The following NPL variants were observed in gnomAD, a reference collection of about 807,000 sequenced individuals.
NPL encodes the protein N-acetylneuraminate pyruvate lyase.
A neutral mutation model predicts 41.1 loss-of-function variants in NPL; 32 were observed. The observed-to-expected ratio is 0.78, with a 90% CI of 0.59 to 1.05. The LOEUF is 1.05. NPL is among the 50% of genes least tolerant of loss of function. The pLI, the probability that NPL is intolerant of heterozygous loss-of-function variation, is 0.00. For missense variants in NPL, 321 were observed against 378.4 expected, an observed-to-expected ratio of 0.85 and a Z score of 1.26; for synonymous variants, 128 against 134.9, an observed-to-expected ratio of 0.95 and a Z score of 0.35.
chr1:182,821,028 C>T (rs1391700066), intron 10 of NPL, among the ~76,000 whole-genome samples: 1 of 152,220 alleles, frequency 6.6e-6, no homozygotes, highest in African/African-American at 2.4e-5. Context: ...AATCACCTTT[C>T]TGTCTAACCA....
At chr1:182,816,158 CTT>C (rs902140085) in intron 7 of NPL, among the ~76,000 whole-genome samples, 1 of 152,090 alleles carries the variant, frequency 6.6e-6, no homozygotes, top group Non-Finnish European at 1.5e-5. Flanking sequence ...GGAAACCCCA[CTT>C]ACTCAGCAAA....
At chr1:182,812,716 T>G (rs1408345794) in intron 6 of NPL, among the ~76,000 whole-genome samples, 2 of 152,108 alleles carry the variant, frequency 1.3e-5, no homozygotes, top group Non-Finnish European at 2.9e-5. Context: ...TGTGGAATTT[T>G]TTTTTTCTGG....
chr1:182,806,383 G>T, intron 5 of NPL, 151 bp downstream of exon 5: 1 of 1,545,594 alleles, frequency 6.5e-7, no homozygotes, highest in South Asian at 1.2e-5. Flanking sequence ...CGGGATCCTG[G>T]CTTCTTGGAG....
At chr1:182,793,340 G>A (rs1209524485) in intron 2 of NPL, among the ~76,000 whole-genome samples, 1 of 152,172 alleles carries the variant, frequency 6.6e-6, no homozygotes, top group Non-Finnish European at 1.5e-5. Context: ...ATTATGGGCA[G>A]GTACACTCTC....
At chr1:182,804,886 T>C (rs999714792) in intron 4 of NPL, among the ~76,000 whole-genome samples, 5 of 152,132 alleles carry the variant, frequency 3.3e-5, no homozygotes, top group African/African-American at 1.2e-4. Flanking sequence ...AGATTCTTAC[T>C]CAACAAAGGG....
At chr1:182,811,576 T>C (rs1667177174) in intron 5 of NPL, among the ~76,000 whole-genome samples, 1 of 152,154 alleles carries the variant, frequency 6.6e-6, no homozygotes, top group African/African-American at 2.4e-5. Flanking sequence ...CTTAGAAGTG[T>C]TTTTTGTAAG....
Position 182,828,718 on chromosome 1 carries a change from G to C in NPL, c.779-6G>C, listed in dbSNP as rs111628840. On this transcript the variant is annotated splice_polypyrimidine_tract_variant and splice_region_variant and intron_variant, in intron 12 of 12. Coordinates refer to ENST00000367553, the MANE Select transcript of NPL (RefSeq NM_030769.3). This position sits in a 1 kb window ranked among gnomAD's most constrained non-coding sequence, Gnocchi z 4.0. ...TCATGTTTCCTCATTTGTTTTTCCC[G>C]TCTAGGTTTTGGAGTGTCACAGACC... 6.2e-7 allele frequency: 1 copy of C among 1,614,106 alleles called. No individual in the cohort carries two copies. The highest frequency in any genetic ancestry group is 8.5e-7 in the Non-Finnish European group (1 of 1,180,006).
intron 6 of NPL, among the ~76,000 whole-genome samples, chr1:182,812,494 T>C (rs1427134478): frequency 6.6e-6 from 1 of 152,168 alleles, no homozygotes; most frequent in Non-Finnish European, 1.5e-5. Flanking sequence ...GGAGCAGAAC[T>C]GAGCCAATTT....
rs552217052 is a variant in NPL, at chr1:182,801,648, G to A, written c.69-2050G>A. Among the ~76,000 whole-genome samples, 19 of 152,160 alleles carry A rather than the reference G, an allele frequency of 1.2e-4. No homozygotes were observed. The East Asian group carries it at 3.3e-3, about 26-fold the overall frequency. Reference sequence around the variant, plus strand: ...GAGGATCGCTTGACCCCAGGAGTTCGAGACCAGTCTGGGCAACATAGTGAG... The same window carrying A: ...GAGGATCGCTTGACCCCAGGAGTTCAAGACCAGTCTGGGCAACATAGTGAG... On this transcript the variant is annotated intron_variant, in intron 3 of 12. Transcript: ENST00000367553.
At chr1:182,825,751 A>C (rs1450957682) in intron 11 of NPL, 30 bp from the exon 12 acceptor site, 3 of 1,382,114 alleles carry the variant, frequency 2.2e-6, no homozygotes, top group Non-Finnish European at 3.1e-6. Context: ...GTTCAATAAT[A>C]CTAACTATAG....
At chr1:182,790,580 C>T (rs6678807) in intron 1 of NPL, among the ~76,000 whole-genome samples, 12,013 of 152,188 alleles carry the variant, frequency 0.079, 541 homozygotes, top group African/African-American at 0.13. Context: ...AAACTTGAAT[C>T]TTAAAAATAC....
intron 2 of NPL, among the ~76,000 whole-genome samples, chr1:182,793,280 A>G (rs1210407548): frequency 2.6e-5 from 4 of 152,166 alleles, no homozygotes; most frequent in Non-Finnish European, 5.9e-5. Flanking sequence ...GAGGCTGTTA[A>G]CCAGTCTGCT....
At chr1:182,819,003 A>G in intron 10 of NPL, 144 bp downstream of exon 10, 1 of 791,948 alleles carries the variant, frequency 1.3e-6, no homozygotes, top group Non-Finnish European at 2.2e-6. Context: ...AGGGAATTAA[A>G]TACTGCTTAG....
chr1:182,809,012 G>A (rs1667101408), intron 5 of NPL, among the ~76,000 whole-genome samples: 1 of 150,882 alleles, frequency 6.6e-6, no homozygotes, highest in Admixed American at 6.6e-5. Flanking sequence ...GGAAGGTCTT[G>A]GATAGGGGGA....
chr1:182,825,720 A>C, intron 11 of NPL, 61 bp from the exon 12 acceptor site: 1 of 1,146,184 alleles, frequency 8.7e-7, no homozygotes, highest in East Asian at 2.3e-5. Context: ...TGACTTCTAC[A>C]TTATTTACAT....
chr1:182,799,839 A>G (rs921182719), intron 3 of NPL, among the ~76,000 whole-genome samples: 1 of 152,174 alleles, frequency 6.6e-6, no homozygotes, highest in Non-Finnish European at 1.5e-5. Flanking sequence ...TTTAAATATA[A>G]AAATGACTAC....
At chr1:182,795,195 T>A (rs551796525) in intron 3 of NPL, among the ~76,000 whole-genome samples, 1 of 152,318 alleles carries the variant, frequency 6.6e-6, no homozygotes, top group Admixed American at 6.5e-5. Context: ...CTCCTGGATC[T>A]ATATGTTTTT....
At chr1:182,803,918 T>G in intron 4 of NPL, 147 bp downstream of exon 4, 1 of 714,608 alleles carries the variant, frequency 1.4e-6, no homozygotes, top group Non-Finnish European at 2.6e-6. Context: ...TTTGTGAATT[T>G]GTAGGCCCAC....
At chr1:182,816,667 C>A in intron 7 of NPL, 47 bp from the exon 8 acceptor site, 2 of 1,345,050 alleles carry the variant, frequency 1.5e-6, no homozygotes, top group Non-Finnish European at 2.1e-6. Flanking sequence ...AGGAAAGCCA[C>A]TGTTTTACAC....
Sources: allele counts gnomAD v4.1 joint callset (sites outside exome capture counted in the v4.1 genomes callset), GRCh38; gene constraint gnomAD v4.1.1; non-coding constraint Gnocchi (gnomAD v3.1); transcripts MANE v1.5; gene names NCBI Gene and HGNC (gene_info 2026-07-23, HGNC 2026-07-21).